Variants in CCDC102B observed in about 807,000 individuals in gnomAD.
CCDC102B encodes coiled-coil domain-containing protein 102B.
In CCDC102B, 75 loss-of-function variants were observed where a neutral mutation model predicts 57.4. That is an observed-to-expected ratio of 1.31 (90% CI 1.08 to 1.58). CCDC102B has a LOEUF of 1.58. Ranked by LOEUF, CCDC102B falls within the 40% of genes most tolerant of loss-of-function variation. The pLI, the probability that CCDC102B is intolerant of heterozygous loss-of-function variation, is 0.00. For missense variants in CCDC102B, 636 were observed against 582.6 expected (o/e 1.09, Z -0.94); for synonymous variants, 206 against 201.9 (o/e 1.02, Z -0.17).
chr18:68,968,161 T>C (rs2050209569), intron 6 of CCDC102B, among the ~76,000 whole-genome samples: 1 of 152,150 alleles, frequency 6.6e-6, no homozygotes. Flanking sequence ...AACATCAGAC[T>C]GCACTTACAC....
At position 68,735,973 on chromosome 18, in the gene CCDC102B, A is replaced by G. The variant is rs982816540; in HGVS notation, c.-67+19379A>G. On this transcript the variant is annotated intron_variant, in intron 2 of 3. Transcript: ENST00000578970. ...TTATGCAGGCAGGCTTGTCAGCAGC[A>G]TTCTTTGTGAATCACTTTTCTCTTG... Among the ~76,000 whole-genome samples the G allele has an allele frequency of 5.3e-4, 80 of 152,320 alleles. No individual in the cohort carries two copies. The Middle Eastern group carries it at 0.01, about 19-fold the overall frequency.
chr18:69,045,971 T>G (rs1374202376), intron 7 of CCDC102B, among the ~76,000 whole-genome samples: 1 of 152,182 alleles, frequency 6.6e-6, no homozygotes, highest in Non-Finnish European at 1.5e-5. Context: ...TGTCCCATGG[T>G]GTACGTGTAC....
intron 2 of CCDC102B, among the ~76,000 whole-genome samples, chr18:68,760,625 C>T (rs373189337): frequency 6.6e-6 from 1 of 151,960 alleles, no homozygotes; most frequent in African/African-American, 2.4e-5. Context: ...TAACCATTGC[C>T]CAGTGTCACA....
At chr18:68,873,208 A>G (rs2039304233) in intron 4 of CCDC102B, among the ~76,000 whole-genome samples, 1 of 152,086 alleles carries the variant, frequency 6.6e-6, no homozygotes, top group African/African-American at 2.4e-5. Flanking sequence ...AGACTTTCAA[A>G]TAACTCTGTG....
intron 2 of CCDC102B, among the ~76,000 whole-genome samples, chr18:68,767,658 G>C (rs919411470): frequency 6.6e-6 from 1 of 152,242 alleles, no homozygotes; most frequent in African/African-American, 2.4e-5. Context: ...AAAGGTCATA[G>C]TATCTCTCTG....
chr18:68,729,139 A>G (rs569540642), intron 2 of CCDC102B, among the ~76,000 whole-genome samples: 43 of 152,342 alleles, frequency 2.8e-4, no homozygotes, highest in African/African-American at 1.0e-3. Flanking sequence ...ATGCTGCATT[A>G]TAATTAATCT....
At chr18:68,818,349 C>T (rs1042470319) in intron 1 of CCDC102B, among the ~76,000 whole-genome samples, 1 of 152,190 alleles carries the variant, frequency 6.6e-6, no homozygotes, top group African/African-American at 2.4e-5. Flanking sequence ...TTTGTAAAGA[C>T]AGTACTTAGC....
Position 68,982,436 on chromosome 18 carries a change from A to G in CCDC102B, c.1264-28498A>G, listed in dbSNP as rs536536841. Among the ~76,000 whole-genome samples the G allele has an allele frequency of 1.2e-4, 19 of 152,090 alleles. No homozygotes were observed. The South Asian group carries it at 3.9e-3, about 32-fold the overall frequency. On this transcript the variant is annotated intron_variant, in intron 6 of 7. Transcript: ENST00000360242. ...AATTTGATTTGTAGATTCCACAAAT[A>G]TGATAATTTTAAAGATTATATGCAC...
At chr18:68,914,549 C>A (rs1198747760) in intron 6 of CCDC102B, among the ~76,000 whole-genome samples, 4 of 152,224 alleles carry the variant, frequency 2.6e-5, no homozygotes, top group Non-Finnish European at 4.4e-5. Context: ...AAGTCCTCAG[C>A]AAACTCACCT....
chr18:69,040,031 G>C (rs2052390534), intron 7 of CCDC102B, among the ~76,000 whole-genome samples: 1 of 151,682 alleles, frequency 6.6e-6, no homozygotes, highest in Admixed American at 6.6e-5. Context: ...TTTACTCTAT[G>C]AGATAAATCC....
At chr18:68,760,684 ATGCT>A (rs1188503443) in intron 2 of CCDC102B, among the ~76,000 whole-genome samples, 2 of 152,116 alleles carry the variant, frequency 1.3e-5, no homozygotes, top group East Asian at 3.8e-4. Context: ...CCAAGGACCA[ATGCT>A]AAAGCTGCTT....
chr18:68,720,062 A>G (rs1208012825), intron 2 of CCDC102B, among the ~76,000 whole-genome samples: 1 of 152,248 alleles, frequency 6.6e-6, no homozygotes, highest in Non-Finnish European at 1.5e-5. Context: ...CTGCAGTAAC[A>G]CATAAGAGAT....
chr18:68,839,764 A>G (rs1472836756), intron 3 of CCDC102B, among the ~76,000 whole-genome samples: 1 of 152,076 alleles, frequency 6.6e-6, no homozygotes, highest in African/African-American at 2.4e-5. Context: ...TCCTCACAAC[A>G]TTGGGGCTAG....
At chr18:68,876,063 A>C (rs2039434039) in intron 5 of CCDC102B, among the ~76,000 whole-genome samples, 1 of 152,222 alleles carries the variant, frequency 6.6e-6, no homozygotes, top group Non-Finnish European at 1.5e-5. Flanking sequence ...GAATCAGACT[A>C]TCAGGATAGA....
intron 7 of CCDC102B, among the ~76,000 whole-genome samples, chr18:69,053,794 G>A (rs745573041): frequency 4.6e-5 from 7 of 151,316 alleles, no homozygotes; most frequent in African/African-American, 1.2e-4. Flanking sequence ...AGTAAAATTT[G>A]TACATATTTA....
chr18:68,817,016 C>A (rs1025727771), intron 1 of CCDC102B, among the ~76,000 whole-genome samples: 1 of 152,204 alleles, frequency 6.6e-6, no homozygotes, highest in African/African-American at 2.4e-5. Context: ...GAGTTGTGTT[C>A]AAGCCACAGG....
chr18:68,760,549 G>C (rs17079654), intron 2 of CCDC102B, among the ~76,000 whole-genome samples: 20,461 of 152,104 alleles, frequency 0.13, 1,675 homozygotes, highest in East Asian at 0.3. Flanking sequence ...CCAAAGCCTT[G>C]TAATTGTACA....
In CCDC102B at chr18:68,956,472, T is replaced by TAAA. The variant is rs1555733113; in HGVS notation, c.1264-54462_1264-54461insAAA. On this transcript the variant is annotated intron_variant, in intron 6 of 7. Coordinates refer to ENST00000360242, the MANE Select transcript of CCDC102B (RefSeq NM_024781.3). The stretch of plus-strand genomic sequence containing the variant: ...ATATATTATATATTTTATATATATA[T>TAAA]TATATATATATAATATATATATAAA... Among the ~76,000 whole-genome samples, 166 of 66,730 alleles carry TAAA rather than the reference T, an allele frequency of 2.5e-3. 20 individuals carry two copies. Among genetic ancestry groups the TAAA allele is most frequent in the African/African-American group, 6.8e-3 (70 of 10,342 alleles). The allele number at this position is 66,730 out of a possible 152,430, so 43.8% of individuals were successfully genotyped here.
chr18:69,045,181 A>G (rs908939026), intron 7 of CCDC102B, among the ~76,000 whole-genome samples: 7 of 152,126 alleles, frequency 4.6e-5, no homozygotes, highest in Non-Finnish European at 1.0e-4. Context: ...GAATTCACAT[A>G]TTGAATTGGA....
Sources: allele counts gnomAD v4.1 joint callset (sites outside exome capture counted in the v4.1 genomes callset), GRCh38; gene constraint gnomAD v4.1.1; transcripts MANE v1.5; gene names NCBI Gene and HGNC (gene_info 2026-07-23, HGNC 2026-07-21).